ATP2B1: variants seen among roughly 807,000 people sequenced by gnomAD.
ATP2B1 encodes the protein plasma membrane calcium-transporting ATPase 1.
Under a neutral mutation model 124.2 loss-of-function variants are expected in ATP2B1, and 14 were observed. The ratio of observed to expected loss-of-function variants is 0.11; its 90% confidence interval spans 0.07 to 0.18. ATP2B1 has a LOEUF of 0.18. Ranked by LOEUF, ATP2B1 falls within the 10% of genes least tolerant of loss-of-function variation. The pLI is 1.00. For missense variants in ATP2B1, 763 were observed against 1,466.1 expected (o/e 0.52, Z 7.83); for synonymous variants, 449 against 492.4 (o/e 0.91, Z 1.17).
At chr12:89,684,953 T>G (rs971391011) in intron 1 of ATP2B1, among the ~76,000 whole-genome samples, 1 of 152,180 alleles carries the variant, frequency 6.6e-6, no homozygotes. Flanking sequence ...TGGAGCACAA[T>G]CCAATTTTAG....
At chr12:89,646,648 G>A (rs1341484051) in intron 2 of ATP2B1, among the ~76,000 whole-genome samples, 3 of 152,206 alleles carry the variant, frequency 2.0e-5, no homozygotes, top group African/African-American at 7.2e-5. Flanking sequence ...CTAGATAGAG[G>A]CTGATGACCT....
intron 1 of ATP2B1, among the ~76,000 whole-genome samples, chr12:89,685,886 A>T (rs1280246339): frequency 6.6e-6 from 1 of 152,114 alleles, no homozygotes; most frequent in African/African-American, 2.4e-5. Context: ...CCATATGAGG[A>T]CACAGCAAGA....
intron 2 of ATP2B1, among the ~76,000 whole-genome samples, chr12:89,653,345 G>A (rs891415913): frequency 4.5e-5 from 6 of 133,956 alleles, no homozygotes; most frequent in Admixed American, 2.7e-4. Context: ...GCCGGACTGC[G>A]GACTGCAGTG....
intron 20 of ATP2B1, chr12:89,598,891 G>C: frequency 9.0e-7 from 1 of 1,106,784 alleles, no homozygotes; most frequent in Non-Finnish European, 1.3e-6. Flanking sequence ...ATGAAGTGGG[G>C]GATGGGGGAG....
intron 1 of ATP2B1, among the ~76,000 whole-genome samples, chr12:89,658,663 G>A (rs1001905313): frequency 3.4e-5 from 5 of 148,802 alleles, no homozygotes; most frequent in African/African-American, 9.9e-5. Flanking sequence ...GATAGCATGT[G>A]GCTGTCAATC....
chr12:89,642,875 G>A (rs1384692146), intron 2 of ATP2B1, among the ~76,000 whole-genome samples: 1 of 152,056 alleles, frequency 6.6e-6, no homozygotes, highest in Non-Finnish European at 1.5e-5. Flanking sequence ...AAAGTGCTGG[G>A]ATTACAAATG....
At chr12:89,659,370 A>G (rs1387055628) in intron 1 of ATP2B1, among the ~76,000 whole-genome samples, 1 of 151,918 alleles carries the variant, frequency 6.6e-6, no homozygotes, top group Non-Finnish European at 1.5e-5. Context: ...ACACACACAC[A>G]CACACACACA....
intron 1 of ATP2B1, among the ~76,000 whole-genome samples, chr12:89,663,555 A>G (rs989595582): frequency 1.3e-5 from 2 of 152,172 alleles, no homozygotes; most frequent in African/African-American, 4.8e-5. Flanking sequence ...AATCTTACCC[A>G]GTAAATACCA....
rs543359945 is a variant in ATP2B1, at chr12:89,627,909, G to A, written c.929-193C>T. Among the ~76,000 whole-genome samples, 45 of 152,232 alleles carry A rather than the reference G, an allele frequency of 3.0e-4. No homozygotes were observed. In the East Asian group the frequency reaches 4.0e-3, roughly 14 times the overall value. ...TAAGTCTTACCTACGGGAGAATACCGCAAAATAATTTAGGGTGTCTATATT... is the reference window on the plus strand; with the variant it reads ...TAAGTCTTACCTACGGGAGAATACCACAAAATAATTTAGGGTGTCTATATT... On this transcript the variant is annotated intron_variant, in intron 6 of 20. Transcript: ENST00000428670.
chr12:89,658,645 G>GAGAGAGAGAGAGAGAGAGAGAGAT (rs1555204352), intron 1 of ATP2B1, among the ~76,000 whole-genome samples: 1 of 137,986 alleles, frequency 7.2e-6, no homozygotes, highest in Non-Finnish European at 1.6e-5. Flanking sequence ...GAGAGAGAGA[G>GAGAGAGAGAGAGAGAGAGAGAGAT]AGATAGAGAT....
chr12:89,598,494 C>T (rs1875133915), intron 20 of ATP2B1: 13 of 1,372,198 alleles, frequency 9.5e-6, no homozygotes, highest in Non-Finnish European at 1.1e-5. Flanking sequence ...ATGAAAAAGC[C>T]TGAACAATGA....
At chr12:89,640,068 T>C (rs1404730590) in intron 3 of ATP2B1, among the ~76,000 whole-genome samples, 2 of 152,174 alleles carry the variant, frequency 1.3e-5, no homozygotes, top group African/African-American at 2.4e-5. Flanking sequence ...TGCACCATCA[T>C]ACCTTTACAT....
At chr12:89,708,229 G>T (rs1057001070) in intron 1 of ATP2B1, among the ~76,000 whole-genome samples, 1 of 152,134 alleles carries the variant, frequency 6.6e-6, no homozygotes, top group East Asian at 1.9e-4. Flanking sequence ...GCCGTGGCGG[G>T]GGCGACCGGT....
intron 1 of ATP2B1, among the ~76,000 whole-genome samples, chr12:89,672,561 G>A (rs552168076): frequency 3.3e-5 from 5 of 152,038 alleles, no homozygotes; most frequent in Admixed American, 6.6e-5. Context: ...TGCCTATCGC[G>A]CGAAATCCTC....
intron 5 of ATP2B1, among the ~76,000 whole-genome samples, chr12:89,634,116 T>TC (rs1406041604): frequency 6.6e-6 from 1 of 152,124 alleles, no homozygotes; most frequent in African/African-American, 2.4e-5. Flanking sequence ...TACAAGAGCC[T>TC]CCCAAGCTGT....
intron 20 of ATP2B1, among the ~76,000 whole-genome samples, chr12:89,597,124 G>A (rs985264461): frequency 2.0e-5 from 3 of 152,066 alleles, no homozygotes; most frequent in African/African-American, 7.2e-5. Flanking sequence ...TCTGACACAT[G>A]GTAGGCCTTC....
intron 5 of ATP2B1, among the ~76,000 whole-genome samples, chr12:89,633,008 A>G (rs1391624015): frequency 2.0e-5 from 3 of 152,162 alleles, no homozygotes; most frequent in African/African-American, 7.2e-5. Context: ...CAGTATACAT[A>G]GCAAACAGGA....
intron 15 of ATP2B1, among the ~76,000 whole-genome samples, chr12:89,606,100 ACAGTAAGTCAC>A: frequency 1.5e-3 from 1 of 650 alleles, no homozygotes; most frequent in Admixed American, 0.026. Flanking sequence ...ATTTACAGTC[ACAGTAAGTCAC>A]AGTAAGGACT....
At chr12:89,627,747 C>G (rs370542793) in intron 6 of ATP2B1, 31 bp from the exon 7 acceptor site, 2 of 1,607,858 alleles carry the variant, frequency 1.2e-6, no homozygotes, top group African/African-American at 2.7e-5. Flanking sequence ...TTAAAGCTTT[C>G]CAAAAGAAAT....
Sources: allele counts gnomAD v4.1 joint callset (sites outside exome capture counted in the v4.1 genomes callset), GRCh38; gene constraint gnomAD v4.1.1; transcripts MANE v1.5; gene names NCBI Gene and HGNC (gene_info 2026-07-23, HGNC 2026-07-21).